Variants in PACC1 observed in about 807,000 individuals in gnomAD.
PACC1 encodes proton-activated chloride channel.
A neutral mutation model predicts 39.7 loss-of-function variants in PACC1; 34 were observed. The ratio of observed to expected loss-of-function variants is 0.86; its 90% confidence interval spans 0.65 to 1.14. The LOEUF (loss-of-function observed/expected upper bound fraction) is 1.14. PACC1 is among the 50% of genes most tolerant of loss of function. The pLI is 0.00. For missense variants in PACC1, 379 were observed against 436.4 expected (o/e 0.87, Z 1.17); for synonymous variants, 127 against 160.6 (o/e 0.79, Z 1.58).
intron 7 of PACC1, among the ~76,000 whole-genome samples, chr1:212,366,840 ATAAT>A (rs1660263454): frequency 6.6e-6 from 1 of 152,194 alleles, no homozygotes; most frequent in African/African-American, 2.4e-5. Flanking sequence ...TTGCCAGTCC[ATAAT>A]TAATAGTGGT....
At chr1:212,409,288 CTA>C (rs892154568) in intron 2 of PACC1, among the ~76,000 whole-genome samples, 43 of 152,090 alleles carry the variant, frequency 2.8e-4, no homozygotes, top group African/African-American at 1.0e-3. Context: ...GGCGCGTGGA[CTA>C]TGAGACGGTG....
chr1:212,411,074 A>G (rs1030004356), intron 1 of PACC1, among the ~76,000 whole-genome samples: 1 of 152,202 alleles, frequency 6.6e-6, no homozygotes, highest in South Asian at 2.1e-4. Flanking sequence ...TACACCTGCA[A>G]TGACCCCATT....
chr1:212,408,535 A>C (rs1375630352), intron 2 of PACC1, among the ~76,000 whole-genome samples: 5 of 151,438 alleles, frequency 3.3e-5, no homozygotes, highest in Non-Finnish European at 5.9e-5. Context: ...TAATTTTTGT[A>C]TTTTTTAGTA....
At chr1:212,387,169 C>G (rs1479364408) in intron 2 of PACC1, 69 bp from the exon 3 acceptor site, 1 of 1,518,884 alleles carries the variant, frequency 6.6e-7, no homozygotes, top group East Asian at 2.3e-5. Context: ...GGCCAGCAAC[C>G]TCCAGGCCCT....
chr1:212,382,317 C>T (rs1467815042), intron 4 of PACC1, among the ~76,000 whole-genome samples: 1 of 151,664 alleles, frequency 6.6e-6, no homozygotes, highest in Admixed American at 6.6e-5. Flanking sequence ...TGCTGGATTA[C>T]AGGCATGAGC....
At chr1:212,413,660 G>A (rs1299874746) in intron 1 of PACC1, among the ~76,000 whole-genome samples, 1 of 152,196 alleles carries the variant, frequency 6.6e-6, no homozygotes, top group Non-Finnish European at 1.5e-5. Flanking sequence ...GGTGGCAAAG[G>A]TAATGGGAGA....
intron 2 of PACC1, among the ~76,000 whole-genome samples, chr1:212,401,346 C>G (rs1661703060): frequency 6.6e-6 from 1 of 152,084 alleles, no homozygotes; most frequent in Non-Finnish European, 1.5e-5. Flanking sequence ...CGAGATACAG[C>G]TAGGCGCGGT....
At chr1:212,397,917 T>C (rs552844226) in intron 2 of PACC1, among the ~76,000 whole-genome samples, 2 of 152,354 alleles carry the variant, frequency 1.3e-5, no homozygotes, top group East Asian at 1.9e-4. Flanking sequence ...AGTCAGAGTT[T>C]TGAGCTCCAG....
At position 212,413,998 on chromosome 1, in the gene PACC1, G is replaced by T. The variant is rs370745786; in HGVS notation, c.36+724C>A. ...AAGGTTTGGGGGCCGAGAAGTGGAG[G>T]CGGAGGAGGAGAGCAGTTTCACTAA... On this transcript the variant is annotated intron_variant, in intron 1 of 7. Coordinates refer to ENST00000261455, the MANE Select transcript of PACC1 (RefSeq NM_018252.3). The T allele has an allele frequency of 1.4e-5, 21 of 1,535,730 alleles. No individual in the cohort carries two copies. Among genetic ancestry groups the T allele is most frequent in the Non-Finnish European group, 1.7e-5 (20 of 1,146,904 alleles).
At chr1:212,381,674 ACAGACACACACACACACACTG>A (rs1057428939) in intron 4 of PACC1, among the ~76,000 whole-genome samples, 25 of 98,616 alleles carry the variant, frequency 2.5e-4, no homozygotes, top group Middle Eastern at 0.014. Flanking sequence ...GGGCATGTGC[ACAGACACACACACACACACTG>A]CACACACACA....
intron 1 of PACC1, chr1:212,414,087 C>A (rs1662237568): frequency 3.3e-6 from 5 of 1,529,778 alleles, no homozygotes; most frequent in Middle Eastern, 1.7e-4. Context: ...CAGCCTGCAG[C>A]GCAGGACAGA....
intron 7 of PACC1, among the ~76,000 whole-genome samples, chr1:212,367,031 G>A (rs752914168): frequency 6.6e-6 from 1 of 152,082 alleles, no homozygotes; most frequent in Admixed American, 6.6e-5. Context: ...TCTGGTGGAC[G>A]GTGTGTCTTA....
intron 7 of PACC1, among the ~76,000 whole-genome samples, chr1:212,370,301 C>A (rs1383975948): frequency 1.3e-5 from 2 of 152,112 alleles, no homozygotes; most frequent in Non-Finnish European, 2.9e-5. Context: ...CCCGTCTCTA[C>A]CAAAAAATAC....
Position 212,414,862 on chromosome 1 carries a change from A to G in PACC1, c.-105T>C. The G allele has an allele frequency of 2.0e-6, 3 of 1,498,300 alleles. No individual in the cohort carries two copies. Among genetic ancestry groups the G allele is most frequent in the Non-Finnish European group, 2.7e-6 (3 of 1,091,368 alleles). 92.8% of individuals were successfully genotyped at this position (1,498,300 alleles called of 1,614,324 possible). A position where few individuals can be genotyped will look rare whatever the true frequency, so the allele number is the denominator to read the frequency against. ...GGACCTACCGGCTCCGCGAGGCGAA[A>G]CCGGTCCGGAGGGGCGTCCCAGAGA... On this transcript the variant is annotated 5_prime_UTR_variant, in exon 1 of 8. Coordinates refer to ENST00000261455, the MANE Select transcript of PACC1 (RefSeq NM_018252.3).
rs567667365 is a variant in PACC1, at chr1:212,402,672, G to A, written c.133+7753C>T. On this transcript the variant is annotated intron_variant, in intron 2 of 7. Coordinates refer to ENST00000261455, the MANE Select transcript of PACC1 (RefSeq NM_018252.3). ...CAAAAGGTCTTCTTTTGAGGGGGACGGGAATGGAGTCTCACTCTGTCACCC... is the reference window on the plus strand; with the variant it reads ...CAAAAGGTCTTCTTTTGAGGGGGACAGGAATGGAGTCTCACTCTGTCACCC... Among the ~76,000 whole-genome samples, 16 of 152,196 alleles carry A rather than the reference G, an allele frequency of 1.1e-4. No homozygotes were observed. In the East Asian group the frequency reaches 2.1e-3, roughly 20 times the overall value.
intron 2 of PACC1, among the ~76,000 whole-genome samples, chr1:212,397,536 T>C (rs1272420300): frequency 1.3e-5 from 2 of 152,334 alleles, no homozygotes; most frequent in East Asian, 3.9e-4. Flanking sequence ...GTCTCCTGGG[T>C]TGGTAAAGAC....
rs552605997 is a variant in PACC1 at position 212,407,682 on chromosome 1, T to C, written c.133+2743A>G. On this transcript the variant is annotated intron_variant, in intron 2 of 7. Coordinates refer to ENST00000261455, the MANE Select transcript of PACC1 (RefSeq NM_018252.3). ...GTTTGGTAGAGGCAGGATCTCATTT[T>C]ATTGCTAAGGCTGGTCTCAAACTCC... Among the ~76,000 whole-genome samples, 136 of 152,330 alleles carry C rather than the reference T, an allele frequency of 8.9e-4. 1 individual carries two copies. Among genetic ancestry groups the C allele is most frequent in the African/African-American group, 3.1e-3 (129 of 41,586 alleles).
intron 2 of PACC1, among the ~76,000 whole-genome samples, chr1:212,403,394 TCA>T: frequency 6.6e-6 from 1 of 152,258 alleles, no homozygotes; most frequent in Non-Finnish European, 1.5e-5. Flanking sequence ...TTTGTGAGGT[TCA>T]GTCTTCATGG....
At position 212,391,362 on chromosome 1, in the gene PACC1, A is replaced by T. The variant is rs527669271; in HGVS notation, c.134-4262T>A. 2.0e-3 allele frequency among the ~76,000 whole-genome samples: 310 copies of T among 152,370 alleles called. 1 individual carries two copies. Among genetic ancestry groups the T allele is most frequent in the African/African-American group, 7.2e-3 (298 of 41,598 alleles). On this transcript the variant is annotated intron_variant, in intron 2 of 7. Transcript: ENST00000261455. ...GAGTGCACCTCCAGCAAACTCCAAC[A>T]GACCTGCAGCTGAGAGTCCTGACTG...
Sources: gnomAD v4.1 joint callset for allele counts (sites outside exome capture counted in the v4.1 genomes callset) on GRCh38, gnomAD v4.1.1 for gene constraint, MANE v1.5 for transcripts, NCBI Gene and HGNC (gene_info 2026-07-23, HGNC 2026-07-21) for gene names.